Variants in PTPRD observed in about 807,000 individuals in gnomAD.
PTPRD encodes the protein protein tyrosine phosphatase receptor type D.
PTPRD carries 34 observed loss-of-function variants against 214.5 expected under a neutral mutation model. The ratio of observed to expected loss-of-function variants is 0.16; its 90% CI spans 0.12 to 0.21. PTPRD has a LOEUF of 0.21. PTPRD is among the 10% of genes least tolerant of loss of function. The pLI is 1.00. For synonymous variants in PTPRD, 1,128 were observed against 845.7 expected (o/e 1.33, Z -5.79); for missense variants, 2,545 against 2,398.7 (o/e 1.06, Z -1.27).
intron 9 of PTPRD, among the ~76,000 whole-genome samples, chr9:9,322,270 C>A (rs17668986): frequency 1.3e-5 from 2 of 151,976 alleles, no homozygotes; most frequent in Admixed American, 6.6e-5. Context: ...AACTTTGGAA[C>A]GATAAAAGCT....
intron 2 of PTPRD, among the ~76,000 whole-genome samples, chr9:10,411,501 G>T (rs886710098): frequency 6.6e-6 from 1 of 151,748 alleles, no homozygotes; most frequent in African/African-American, 2.4e-5. Flanking sequence ...GCCCAGAATG[G>T]TGATATTCAG....
chr9:9,625,647 G>C (rs944068452), intron 7 of PTPRD, among the ~76,000 whole-genome samples: 11 of 151,678 alleles, frequency 7.3e-5, no homozygotes, highest in Admixed American at 6.6e-5. Context: ...GTCTGAGATA[G>C]TCACCATTTT....
chr9:9,600,800 T>C (rs2093689986), intron 7 of PTPRD, among the ~76,000 whole-genome samples: 1 of 152,124 alleles, frequency 6.6e-6, no homozygotes, highest in South Asian at 2.1e-4. Context: ...TAAAATCCTT[T>C]TGTACTAAAA....
chr9:9,806,182 A>G (rs1033738361), intron 5 of PTPRD, among the ~76,000 whole-genome samples: 1 of 152,130 alleles, frequency 6.6e-6, no homozygotes, highest in African/African-American at 2.4e-5. Context: ...GAGAGCTCCA[A>G]TTCACCCCCA....
chr9:9,332,610 G>A (rs1034569889), intron 9 of PTPRD, among the ~76,000 whole-genome samples: 2 of 151,324 alleles, frequency 1.3e-5, no homozygotes, highest in Non-Finnish European at 1.5e-5. Flanking sequence ...CTGAGCTTGG[G>A]AGTCTCTCCC....
chr9:9,033,530 A>C (rs1043007639), intron 10 of PTPRD, among the ~76,000 whole-genome samples: 1 of 152,150 alleles, frequency 6.6e-6, no homozygotes, highest in Non-Finnish European at 1.5e-5. Flanking sequence ...AGATTCTATA[A>C]AAGGATTCAT....
At chr9:10,323,767 T>A (rs1456657970) in intron 3 of PTPRD, among the ~76,000 whole-genome samples, 1 of 152,018 alleles carries the variant, frequency 6.6e-6, no homozygotes, top group Non-Finnish European at 1.5e-5. Context: ...GTCTGGAGAT[T>A]TTAAATATTG....
chr9:9,589,146 T>C (rs920646361), intron 7 of PTPRD, among the ~76,000 whole-genome samples: 9 of 151,968 alleles, frequency 5.9e-5, no homozygotes, highest in African/African-American at 1.7e-4. Flanking sequence ...TATGAAATTG[T>C]GAAAACTGTG....
chr9:9,918,930 T>C (rs1168565872), intron 5 of PTPRD, among the ~76,000 whole-genome samples: 1 of 152,022 alleles, frequency 6.6e-6, no homozygotes, highest in Non-Finnish European at 1.5e-5. Context: ...TACAGTACAG[T>C]CCTCAGAAAA....
At chr9:10,355,538 G>C (rs934721147) in intron 2 of PTPRD, among the ~76,000 whole-genome samples, 1 of 151,110 alleles carries the variant, frequency 6.6e-6, no homozygotes, top group Admixed American at 6.6e-5. Context: ...GAGTGCAACG[G>C]CACGATCTCA....
chr9:9,524,531 G>C (rs987715638), intron 8 of PTPRD, among the ~76,000 whole-genome samples: 18 of 152,140 alleles, frequency 1.2e-4, no homozygotes, highest in Admixed American at 5.9e-4. Flanking sequence ...ACATTTGTTA[G>C]AAATGATCTG....
At chr9:8,673,315 A>G (rs1395682819) in intron 12 of PTPRD, among the ~76,000 whole-genome samples, 1 of 152,138 alleles carries the variant, frequency 6.6e-6, no homozygotes, top group African/African-American at 2.4e-5. Flanking sequence ...GTTGTCACCT[A>G]TTTTCCCCAT....
intron 3 of PTPRD, among the ~76,000 whole-genome samples, chr9:10,321,827 T>G (rs12001946): frequency 7.1e-4 from 108 of 152,140 alleles, no homozygotes; most frequent in African/African-American, 2.5e-3. Flanking sequence ...GCAAAAACAT[T>G]ACTGAATATC....
chr9:10,200,429 C>T (rs758095232), intron 3 of PTPRD, among the ~76,000 whole-genome samples: 3 of 152,016 alleles, frequency 2.0e-5, no homozygotes, highest in Non-Finnish European at 4.4e-5. Flanking sequence ...AGGAATGCTG[C>T]TAAACATTAA....
chr9:9,266,635 G>C (rs899123653), intron 9 of PTPRD, among the ~76,000 whole-genome samples: 3 of 150,230 alleles, frequency 2.0e-5, no homozygotes, highest in African/African-American at 7.3e-5. Flanking sequence ...GGAAATTAAG[G>C]TGTAAATAAG....
At chr9:9,657,488 A>T (rs2096542220) in intron 7 of PTPRD, among the ~76,000 whole-genome samples, 1 of 152,166 alleles carries the variant, frequency 6.6e-6, no homozygotes. Flanking sequence ...CATTAGGAGA[A>T]ATACCTAATG....
At chr9:9,006,824 ACT>A (rs1466657781) in intron 11 of PTPRD, among the ~76,000 whole-genome samples, 1 of 151,978 alleles carries the variant, frequency 6.6e-6, no homozygotes, top group Non-Finnish European at 1.5e-5. Context: ...ATGGAAAAAA[ACT>A]CTATTTAATG....
At chr9:8,874,357 G>C (rs905706220) in intron 11 of PTPRD, among the ~76,000 whole-genome samples, 5 of 137,950 alleles carry the variant, frequency 3.6e-5, no homozygotes, top group African/African-American at 1.2e-4. Context: ...CAGTTGAACG[G>C]ACTGTTTTTT....
At chr9:9,045,076 T>G (rs894346056) in intron 10 of PTPRD, among the ~76,000 whole-genome samples, 1 of 152,192 alleles carries the variant, frequency 6.6e-6, no homozygotes, top group Admixed American at 6.5e-5. Flanking sequence ...AACATGATTG[T>G]CATTTCCAAC....
Sources: allele counts gnomAD v4.1 joint callset (sites outside exome capture counted in the v4.1 genomes callset), GRCh38; gene constraint gnomAD v4.1.1; transcripts MANE v1.5; gene names NCBI Gene and HGNC (gene_info 2026-07-23, HGNC 2026-07-21).